The following MYO1D variants were observed in gnomAD, a reference collection of about 807,000 sequenced individuals.
MYO1D encodes the protein myosin ID, also known as unconventional myosin-Id.
A neutral mutation model predicts 122.0 loss-of-function variants in MYO1D; 83 were observed. That is an observed-to-expected ratio of 0.68 (90% confidence interval 0.57 to 0.82). MYO1D has a LOEUF of 0.82. MYO1D is among the 40% of genes least tolerant of loss of function. The pLI, the probability that MYO1D is intolerant of heterozygous loss-of-function variation, is 0.00. For missense variants in MYO1D, 1,157 were observed against 1,269.5 expected (o/e 0.91, Z 1.35); for synonymous variants, 464 against 446.9 (o/e 1.04, Z -0.48).
At chr17:32,499,949 C>T (rs987538140) in intron 21 of MYO1D, among the ~76,000 whole-genome samples, 11 of 152,172 alleles carry the variant, frequency 7.2e-5, no homozygotes, top group African/African-American at 2.7e-4. Flanking sequence ...AGTGACAGAG[C>T]AAGACCCCAT....
At chr17:32,795,468 A>G (rs1053659131) in intron 1 of MYO1D, among the ~76,000 whole-genome samples, 4 of 152,026 alleles carry the variant, frequency 2.6e-5, no homozygotes, top group Non-Finnish European at 4.4e-5. Flanking sequence ...CAGTGATTCA[A>G]CCTTCCTGGT....
intron 1 of MYO1D, among the ~76,000 whole-genome samples, chr17:32,842,814 T>C (rs531013594): frequency 8.5e-5 from 13 of 152,154 alleles, no homozygotes; most frequent in African/African-American, 2.9e-4. Context: ...CCCAAATCAC[T>C]ATTTCTTTCA....
intron 18 of MYO1D, among the ~76,000 whole-genome samples, 176 bp downstream of exon 18, chr17:32,654,301 A>T (rs182246647): frequency 5.2e-4 from 79 of 152,382 alleles, no homozygotes; most frequent in Non-Finnish European, 8.7e-4. Flanking sequence ...CCTTTTAAAC[A>T]CGGGAGAAAC....
rs541575545 is a variant in MYO1D at position 32,635,937 on chromosome 17, G to A, written c.2709+2785C>T. ...GATGTTCCCATAGTTTTTTTCTTTC[G>A]TAGAATAATTTAAAAAGTATAGAAC... On this transcript the variant is annotated intron_variant, in intron 20 of 21. Coordinates refer to ENST00000318217, the MANE Select transcript of MYO1D (RefSeq NM_015194.3). Among the ~76,000 whole-genome samples the A allele has an allele frequency of 1.4e-4, 21 of 151,940 alleles. No individual in the cohort carries two copies. The East Asian group carries it at 2.7e-3, about 20-fold the overall frequency.
chr17:32,562,424 T>C (rs1247821916), intron 21 of MYO1D, among the ~76,000 whole-genome samples: 1 of 152,204 alleles, frequency 6.6e-6, no homozygotes, highest in African/African-American at 2.4e-5. Context: ...TTTATGGATC[T>C]TTACATATAA....
chr17:32,659,236 C>T lies in MYO1D; in HGVS notation c.2224G>A (p.Glu742Lys), dbSNP rs202148996. The change falls in exon 17 of 22, where the codon GAG (glutamate) becomes AAG (lysine). Residue 742 changes from glutamate (E) to lysine (K), a missense_variant. By Grantham distance (56) the Glu-to-Lys change is moderately conservative. Transcript: ENST00000318217. ...ACGCCATGGAAGCGTCTGGCCACCTCGTGGATGTACGACTTCACTTTGTAG... is the reference window on the plus strand; with the variant it reads ...ACGCCATGGAAGCGTCTGGCCACCTTGTGGATGTACGACTTCACTTTGTAG... The part of the protein sequence containing the change: ...RRYKVKSYIH[E>K]VARRFHGVKT... 4.6e-5 allele frequency: 74 copies of T among 1,614,194 alleles called. No individual in the cohort carries two copies. The highest frequency in any genetic ancestry group is 3.3e-4 in the East Asian group (15 of 44,890).
intron 1 of MYO1D, among the ~76,000 whole-genome samples, chr17:32,841,032 T>C (rs140699191): frequency 1.0e-3 from 153 of 152,338 alleles, no homozygotes; most frequent in Admixed American, 5.8e-3. Context: ...TTAGATGATT[T>C]TGACCAACTG....
In MYO1D at chr17:32,715,201, T is replaced by A. The variant is rs567808206; in HGVS notation, c.1914-3006A>T. Among the ~76,000 whole-genome samples the A allele has an allele frequency of 3.3e-5, 5 of 152,320 alleles. No individual in the cohort carries two copies. The South Asian group carries it at 1.0e-3, about 32-fold the overall frequency. On this transcript the variant is annotated intron_variant, in intron 15 of 21. Coordinates refer to ENST00000318217, the MANE Select transcript of MYO1D (RefSeq NM_015194.3). ...GGTTGCAGAGAAACAGGAACACTTTTATACTATTGGTGGGAATGTAAATTA... is the reference window on the plus strand; with the variant it reads ...GGTTGCAGAGAAACAGGAACACTTTAATACTATTGGTGGGAATGTAAATTA...
At chr17:32,764,374 T>A (rs1047816279) in intron 8 of MYO1D, among the ~76,000 whole-genome samples, 1 of 152,152 alleles carries the variant, frequency 6.6e-6, no homozygotes. Flanking sequence ...TGACTGTTAA[T>A]AATAATACTA....
chr17:32,702,082 T>G (rs1011028452), intron 16 of MYO1D, among the ~76,000 whole-genome samples: 2 of 152,196 alleles, frequency 1.3e-5, no homozygotes, highest in African/African-American at 4.8e-5. Context: ...ATAACATGCC[T>G]GCCAGTTTGA....
At chr17:32,693,118 T>C (rs894331681) in intron 16 of MYO1D, among the ~76,000 whole-genome samples, 2 of 152,210 alleles carry the variant, frequency 1.3e-5, no homozygotes, top group African/African-American at 4.8e-5. Flanking sequence ...CATTAAATTG[T>C]TCAGAAGTTT....
chr17:32,642,901 T>C (rs529466244), intron 19 of MYO1D, among the ~76,000 whole-genome samples: 21 of 152,326 alleles, frequency 1.4e-4, no homozygotes, highest in African/African-American at 1.9e-4. Flanking sequence ...CTTTTCCTAA[T>C]TGAATACCCT....
chr17:32,637,064 G>C (rs1462091978), intron 20 of MYO1D, among the ~76,000 whole-genome samples: 1 of 152,186 alleles, frequency 6.6e-6, no homozygotes, highest in East Asian at 1.9e-4. Context: ...TGAAGATAAA[G>C]GGAAACAGTG....
chr17:32,864,540 C>T (rs2466865), intron 1 of MYO1D, among the ~76,000 whole-genome samples: 1 of 93,896 alleles, frequency 1.1e-5, no homozygotes, highest in African/African-American at 4.6e-5. Context: ...TGTCTGAGTT[C>T]TACGAATGAA....
chr17:32,677,913 A>G (rs1051700693), intron 16 of MYO1D, among the ~76,000 whole-genome samples: 1 of 152,150 alleles, frequency 6.6e-6, no homozygotes, highest in East Asian at 1.9e-4. Context: ...CTTATGATCA[A>G]TATTTCATGG....
chr17:32,627,413 C>G (rs749880178), intron 20 of MYO1D, among the ~76,000 whole-genome samples: 1 of 152,070 alleles, frequency 6.6e-6, no homozygotes, highest in Non-Finnish European at 1.5e-5. Context: ...GGGCACAGAC[C>G]GGCGGGCGGA....
intron 20 of MYO1D, among the ~76,000 whole-genome samples, chr17:32,607,042 C>T (rs1344596250): frequency 6.6e-6 from 1 of 152,070 alleles, no homozygotes; most frequent in African/African-American, 2.4e-5. Context: ...CGCCTGTAAT[C>T]CCAGCTACTC....
At chr17:32,563,053 A>T (rs1409543224) in intron 21 of MYO1D, among the ~76,000 whole-genome samples, 1 of 152,144 alleles carries the variant, frequency 6.6e-6, no homozygotes, top group Non-Finnish European at 1.5e-5. Flanking sequence ...AAAATAAATT[A>T]TACTGACTTG....
rs541758329 is a variant in MYO1D at position 32,712,447 on chromosome 17, G to A, written c.1914-252C>T. Among the ~76,000 whole-genome samples the A allele has an allele frequency of 3.3e-5, 5 of 152,060 alleles. No individual in the cohort carries two copies. The South Asian group carries it at 6.2e-4, about 19-fold the overall frequency. On this transcript the variant is annotated intron_variant, in intron 15 of 21. Transcript: ENST00000318217. ...TACAGTCTATTTGCCAAAATCCTAC[G>A]GCAAATATTGTTCATAAAGGGGTAA...
Sources: gnomAD v4.1 joint callset for allele counts (sites outside exome capture counted in the v4.1 genomes callset) on GRCh38, gnomAD v4.1.1 for gene constraint, MANE v1.5 for transcripts, NCBI Gene and HGNC (gene_info 2026-07-23, HGNC 2026-07-21) for gene names.